The following UBE2D2 variants were observed in gnomAD, a reference collection of about 807,000 sequenced individuals.
The protein encoded by UBE2D2 is ubiquitin conjugating enzyme E2 D2.
A neutral mutation model predicts 24.2 loss-of-function variants in UBE2D2; 2 were observed. That is an observed-to-expected ratio of 0.08 (90% CI 0.03 to 0.26). The LOEUF is 0.26. Among genes scored for constraint, UBE2D2 ranks in the 10% least tolerant of loss-of-function variants. UBE2D2 has a pLI of 1.00. For synonymous variants in UBE2D2, 58 were observed against 56.5 expected (o/e 1.03, Z -0.12); for missense variants, 44 against 177.6 (o/e 0.25, Z 4.28).
chr5:139,595,131 C>T (rs1351025111), intron 1 of UBE2D2, among the ~76,000 whole-genome samples: 1 of 152,140 alleles, frequency 6.6e-6, no homozygotes, highest in African/African-American at 2.4e-5. Flanking sequence ...CTTTATTTCC[C>T]TATTGTTCTT....
At chr5:139,588,667 T>C (rs1363993541) in intron 1 of UBE2D2, among the ~76,000 whole-genome samples, 2 of 152,218 alleles carry the variant, frequency 1.3e-5, no homozygotes, top group South Asian at 2.1e-4. Flanking sequence ...AGAGAAAATA[T>C]TGTAATCCAA....
At chr5:139,617,018 C>T (rs960938835) in intron 5 of UBE2D2, among the ~76,000 whole-genome samples, 1 of 151,978 alleles carries the variant, frequency 6.6e-6, no homozygotes, top group African/African-American at 2.4e-5. Context: ...CCCATCTTTA[C>T]TAAAAATACA....
chr5:139,548,193 A>AAAAAAAAAAAATAAAT lies in UBE2D2; in HGVS notation c.-64+21584_-64+21585insAAAAAAAATAAATAAA. Among the ~76,000 whole-genome samples, 68 of 47,032 alleles carry AAAAAAAAAAAATAAAT rather than the reference A, an allele frequency of 1.4e-3. 4 individuals are homozygous for AAAAAAAAAAAATAAAT. The highest frequency in any genetic ancestry group is 2.0e-3 in the South Asian group (3 of 1,512). The allele number at this position is 47,032 out of a possible 152,430, so 30.9% of individuals were successfully genotyped here. A position where few individuals can be genotyped will look rare whatever the true frequency, so the allele number is the denominator to read the frequency against. On this transcript the variant is annotated intron_variant, in intron 1 of 6. Transcript: ENST00000511725. ...AAAAAAAAAAAAAAAATAAAAAAAA[A>AAAAAAAAAAAATAAAT]AAATAAATAAATAAATAAATAAACG...
At chr5:139,589,130 G>A (rs893277653) in intron 1 of UBE2D2, among the ~76,000 whole-genome samples, 3 of 152,052 alleles carry the variant, frequency 2.0e-5, no homozygotes, top group African/African-American at 7.2e-5. Flanking sequence ...TCTTTGGTTT[G>A]CACCTGTAAT....
chr5:139,544,121 C>A (rs1238967685), intron 1 of UBE2D2, among the ~76,000 whole-genome samples: 2 of 151,572 alleles, frequency 1.3e-5, no homozygotes, highest in Non-Finnish European at 2.9e-5. Context: ...TAAGTAACTG[C>A]TGTTAAAAAT....
At chr5:139,591,756 G>GT (rs1254625050) in intron 1 of UBE2D2, among the ~76,000 whole-genome samples, 3 of 152,120 alleles carry the variant, frequency 2.0e-5, no homozygotes, top group Non-Finnish European at 4.4e-5. Context: ...GTAAGCAGTT[G>GT]TTTTTAAATA....
chr5:139,528,890 TC>T (rs1469997845), intron 1 of UBE2D2, among the ~76,000 whole-genome samples: 1 of 151,976 alleles, frequency 6.6e-6, no homozygotes. Context: ...AGGAGAAGCT[TC>T]GCCAACCCCT....
chr5:139,532,927 C>T (rs1365168899), intron 1 of UBE2D2, among the ~76,000 whole-genome samples: 3 of 151,752 alleles, frequency 2.0e-5, no homozygotes, highest in Non-Finnish European at 2.9e-5. Flanking sequence ...GCCAACATGG[C>T]GAAACCCCGT....
chr5:139,585,935 C>CAAAAAAAAAAAAAAAAAAAAA (rs60277561), intron 1 of UBE2D2, among the ~76,000 whole-genome samples: 1 of 25,562 alleles, frequency 3.9e-5, no homozygotes, highest in Admixed American at 4.8e-4. Context: ...GACTCTGTCT[C>CAAAAAAAAAAAAAAAAAAAAA]AAAAAAAAAA....
intron 1 of UBE2D2, among the ~76,000 whole-genome samples, chr5:139,536,271 GTATTT>G (rs1752681172): frequency 6.7e-5 from 10 of 149,568 alleles, no homozygotes; most frequent in Admixed American, 4.0e-4. Flanking sequence ...AGCTAATTTT[GTATTT>G]TTAGTATAGA....
chr5:139,617,713 T>A (rs1325666504), intron 5 of UBE2D2, among the ~76,000 whole-genome samples: 1 of 152,198 alleles, frequency 6.6e-6, no homozygotes, highest in Admixed American at 6.5e-5. Flanking sequence ...TGTGTTCAGA[T>A]CTCAGATCCA....
intron 1 of UBE2D2, among the ~76,000 whole-genome samples, chr5:139,577,843 G>A (rs1233863229): frequency 6.6e-6 from 1 of 152,172 alleles, no homozygotes; most frequent in East Asian, 1.9e-4. Context: ...GCTTCGTACT[G>A]CGGTACATGT....
intron 1 of UBE2D2, among the ~76,000 whole-genome samples, chr5:139,571,349 G>A (rs549464865): frequency 6.6e-6 from 1 of 151,100 alleles, no homozygotes; most frequent in Non-Finnish European, 1.5e-5. Flanking sequence ...GGAGGTTGCA[G>A]TGTGCCGAGG....
rs112377470 is a variant in UBE2D2, at chr5:139,541,480, A to G, written c.-64+14868A>G. 3.6e-4 allele frequency among the ~76,000 whole-genome samples: 54 copies of G among 150,322 alleles called. 2 individuals are homozygous for G. In the Middle Eastern group the frequency reaches 0.01, roughly 29 times the overall value. On this transcript the variant is annotated intron_variant, in intron 1 of 6. Transcript: ENST00000511725. Reference sequence around the variant, plus strand: ...CCAGGCATGGTGGTGGGCGCCTGTAATCCCAGCTACTCAGGAGGCTGAGGC... The same window carrying G: ...CCAGGCATGGTGGTGGGCGCCTGTAGTCCCAGCTACTCAGGAGGCTGAGGC...
chr5:139,557,934 C>CA (rs987178340), upstream of UBE2D2, among the ~76,000 whole-genome samples: 8 of 151,554 alleles, frequency 5.3e-5, no homozygotes, highest in Non-Finnish European at 1.0e-4. Context: ...CCTGTTTCTA[C>CA]AAAAAATAAA....
chr5:139,584,950 G>A (rs906278009), intron 1 of UBE2D2, among the ~76,000 whole-genome samples: 5 of 150,942 alleles, frequency 3.3e-5, no homozygotes, highest in Non-Finnish European at 7.4e-5. Context: ...GCCCAGGCTG[G>A]AGTGCAGTGG....
At chr5:139,578,237 T>C (rs950943679) in intron 1 of UBE2D2, among the ~76,000 whole-genome samples, 17 of 152,200 alleles carry the variant, frequency 1.1e-4, no homozygotes, top group African/African-American at 3.9e-4. Flanking sequence ...CTGGAGTTAG[T>C]TGCAAGGAAC....
chr5:139,627,881 G>C lies in UBE2D2; in HGVS notation c.*1080G>C, dbSNP rs1283771753. 6.6e-6 allele frequency: 1 copy of C among 152,650 alleles called. No homozygotes were observed. The highest frequency in any genetic ancestry group is 1.5e-5 in the Non-Finnish European group (1 of 68,038). The allele number at this position is 152,650 out of a possible 1,614,324, so 9.5% of individuals were successfully genotyped here. ...GAACAAGTTAGAGGCATAAGCTTAA[G>C]AGCATTTCCATGAAACAACACATGC... On this transcript the variant is annotated 3_prime_UTR_variant, in exon 7 of 7. Transcript: ENST00000398733.
intron 1 of UBE2D2, among the ~76,000 whole-genome samples, chr5:139,578,629 T>A (rs949083220): frequency 5.9e-5 from 9 of 152,044 alleles, no homozygotes; most frequent in South Asian, 2.1e-4. Flanking sequence ...TTTAAAAAAA[T>A]TTTTGTAGAG....
Sources: allele counts gnomAD v4.1 joint callset (sites outside exome capture counted in the v4.1 genomes callset), GRCh38; gene constraint gnomAD v4.1.1; transcripts MANE v1.5; gene names NCBI Gene and HGNC (gene_info 2026-07-23, HGNC 2026-07-21).